PHKB: variants seen among roughly 807,000 people sequenced by gnomAD.
PHKB encodes the protein phosphorylase b kinase regulatory subunit beta.
A neutral mutation model predicts 152.1 loss-of-function variants in PHKB; 122 were observed. The ratio of observed to expected loss-of-function variants is 0.80; its 90% confidence interval spans 0.69 to 0.93. The LOEUF is 0.93. Ranked by LOEUF, PHKB falls within the 40% of genes least tolerant of loss-of-function variation. The pLI is 0.00. For synonymous variants in PHKB, 436 were observed against 464.9 expected (o/e 0.94, Z 0.80); for missense variants, 1,304 against 1,328.4 (o/e 0.98, Z 0.29).
At chr16:47,543,585 C>T (rs1971102913) in intron 6 of PHKB, among the ~76,000 whole-genome samples, 1 of 152,272 alleles carries the variant, frequency 6.6e-6, no homozygotes. Flanking sequence ...GTACCAGCTG[C>T]TCCTTGTACC....
At chr16:47,655,181 A>G (rs371235148) in intron 20 of PHKB, among the ~76,000 whole-genome samples, 2 of 152,176 alleles carry the variant, frequency 1.3e-5, no homozygotes, top group South Asian at 2.1e-4. Flanking sequence ...ACTTAAAATA[A>G]TATGTAATCA....
chr16:47,663,135 T>C (rs1180278278), intron 23 of PHKB, among the ~76,000 whole-genome samples: 1 of 152,164 alleles, frequency 6.6e-6, no homozygotes, highest in Non-Finnish European at 1.5e-5. Context: ...CATTGTTTTC[T>C]TTTTGGCGCT....
intron 9 of PHKB, 87 bp from the exon 10 acceptor site, chr16:47,588,818 C>A: frequency 8.6e-7 from 1 of 1,160,746 alleles, no homozygotes; most frequent in Non-Finnish European, 1.3e-6. Flanking sequence ...CATAACCTCA[C>A]TGGCTTTTCA....
At chr16:47,601,405 T>G (rs1016684172) in intron 13 of PHKB, among the ~76,000 whole-genome samples, 15 of 152,262 alleles carry the variant, frequency 9.9e-5, no homozygotes, top group African/African-American at 3.6e-4. Context: ...ATATCAGCTT[T>G]TAAAAATCTG....
chr16:47,641,011 C>T, intron 14 of PHKB, 24 bp from the exon 15 acceptor site: 1 of 1,605,128 alleles, frequency 6.2e-7, no homozygotes. Flanking sequence ...AAATGTTTTC[C>T]CCCTCCCTTA....
chr16:47,494,717 T>A (rs1970203825), intron 1 of PHKB, among the ~76,000 whole-genome samples: 1 of 152,246 alleles, frequency 6.6e-6, no homozygotes, highest in South Asian at 2.1e-4. Flanking sequence ...TCATTTCAAT[T>A]GGAACATTTA....
chr16:47,478,958 T>C (rs1238489403), intron 1 of PHKB, among the ~76,000 whole-genome samples: 1 of 152,196 alleles, frequency 6.6e-6, no homozygotes, highest in South Asian at 2.1e-4. Context: ...GATCCCTGAA[T>C]AGAGTCTGGA....
intron 6 of PHKB, among the ~76,000 whole-genome samples, chr16:47,527,000 T>TG (rs1203511590): frequency 6.6e-6 from 1 of 150,574 alleles, no homozygotes; most frequent in Non-Finnish European, 1.5e-5. Context: ...CAAGAGGGAG[T>TG]GGGGAGGGAG....
At chr16:47,651,689 T>C (rs1379126380) in intron 20 of PHKB, among the ~76,000 whole-genome samples, 1 of 152,180 alleles carries the variant, frequency 6.6e-6, no homozygotes, top group Non-Finnish European at 1.5e-5. Flanking sequence ...CCATGGGGTC[T>C]TTCACATAGT....
chr16:47,654,928 T>G (rs948885911), intron 20 of PHKB, among the ~76,000 whole-genome samples: 1 of 151,730 alleles, frequency 6.6e-6, no homozygotes, highest in African/African-American at 2.4e-5. Context: ...GTTGTGCACA[T>G]GTACCCCAAA....
intron 1 of PHKB, among the ~76,000 whole-genome samples, chr16:47,480,689 T>C (rs1969949064): frequency 6.6e-6 from 1 of 152,206 alleles, no homozygotes. Context: ...ATAACTCCAG[T>C]TTTCATTTCA....
intron 1 of PHKB, among the ~76,000 whole-genome samples, chr16:47,470,313 G>A (rs1969743166): frequency 6.6e-6 from 1 of 152,202 alleles, no homozygotes; most frequent in African/African-American, 2.4e-5. Context: ...CCGAATTAAA[G>A]GAATGGGTTG....
At chr16:47,566,231 G>A (rs1971563843) in intron 7 of PHKB, 1 of 800,788 alleles carries the variant, frequency 1.2e-6, no homozygotes, top group East Asian at 2.5e-5. Flanking sequence ...CTCGATACTT[G>A]TCTCCAAAGC....
At chr16:47,653,711 C>T (rs1174922369) in intron 20 of PHKB, among the ~76,000 whole-genome samples, 1 of 151,462 alleles carries the variant, frequency 6.6e-6, no homozygotes, top group East Asian at 1.9e-4. Flanking sequence ...ATATGTGGGC[C>T]TATATGGAAA....
intron 14 of PHKB, among the ~76,000 whole-genome samples, chr16:47,631,202 CTG>C (rs1292943652): frequency 6.6e-6 from 1 of 152,166 alleles, no homozygotes; most frequent in African/African-American, 2.4e-5. Context: ...AGCACATAAT[CTG>C]TGAAATACGT....
chr16:47,484,585 G>A (rs1270461172), intron 1 of PHKB, among the ~76,000 whole-genome samples: 5 of 152,008 alleles, frequency 3.3e-5, no homozygotes, highest in Admixed American at 3.3e-4. Flanking sequence ...ATTTTTTTTG[G>A]TGAGGTTTCA....
At chr16:47,565,978 T>G in intron 7 of PHKB, 2 of 800,230 alleles carry the variant, frequency 2.5e-6, no homozygotes, top group South Asian at 3.3e-5. Flanking sequence ...TCTCTGGAGC[T>G]CTATGACCGA....
In PHKB at chr16:47,589,019, G is replaced by A; in HGVS notation, c.985G>A (p.Gly329Arg). 1 of 1,613,628 alleles carries A rather than the reference G, an allele frequency of 6.2e-7. No homozygotes were observed. The highest frequency in any genetic ancestry group is 8.5e-7 in the Non-Finnish European group (1 of 1,179,598). Residue 329 changes from glycine (G) to arginine (R), a missense_variant, in exon 10 of 31, where the codon GGA (glycine) becomes AGA (arginine). Gly to Arg is a moderately radical substitution (Grantham distance 125). Coordinates refer to ENST00000323584, the MANE Select transcript of PHKB (RefSeq NM_000293.3). ...GGTTAGAAAATTAAAAGGAAAATAT[G>A]GATTTAAACGTTTCTTGAGAGATGG... is the stretch of plus-strand genomic sequence containing the variant. ...KVVRKLKGKY[G>R]FKRFLRDGYR...
At chr16:47,527,677 G>A (rs949445953) in intron 6 of PHKB, among the ~76,000 whole-genome samples, 2 of 152,216 alleles carry the variant, frequency 1.3e-5, no homozygotes, top group African/African-American at 4.8e-5. Context: ...TGCTACCTCA[G>A]AATGTGACTA....
Sources: allele counts gnomAD v4.1 joint callset (sites outside exome capture counted in the v4.1 genomes callset), GRCh38; gene constraint gnomAD v4.1.1; transcripts MANE v1.5; gene names NCBI Gene and HGNC (gene_info 2026-07-23, HGNC 2026-07-21).